The following ST6GALNAC5 variants were observed in gnomAD, a reference collection of about 807,000 sequenced individuals.
The protein encoded by ST6GALNAC5 is alpha-N-acetylgalactosaminide alpha-2,6-sialyltransferase 5.
In ST6GALNAC5, 27 loss-of-function variants were observed where a neutral mutation model predicts 33.6. The observed-to-expected ratio is 0.80, with a 90% CI of 0.59 to 1.11. The LOEUF (loss-of-function observed/expected upper bound fraction) is 1.11. Ranked by LOEUF, ST6GALNAC5 falls within the 50% of genes least tolerant of loss-of-function variation. The probability of loss-of-function intolerance (pLI) is 0.00; values close to 1 mark genes in which losing one functional copy is unlikely to be tolerated. For missense variants in ST6GALNAC5, 428 were observed against 454.0 expected, an observed-to-expected ratio of 0.94 and a Z score of 0.52; for synonymous variants, 194 against 171.2, an observed-to-expected ratio of 1.13 and a Z score of -1.04.
chr1:77,050,645 T>C (rs1222353177), intron 4 of ST6GALNAC5, among the ~76,000 whole-genome samples: 3 of 152,250 alleles, frequency 2.0e-5, no homozygotes, highest in African/African-American at 7.2e-5. Context: ...ATTGGCATAA[T>C]ATTAACGATG....
At chr1:77,014,604 C>T (rs540104733) in intron 2 of ST6GALNAC5, among the ~76,000 whole-genome samples, 13 of 152,308 alleles carry the variant, frequency 8.5e-5, no homozygotes, top group African/African-American at 1.4e-4. Context: ...AACCAATCAC[C>T]GGCCCAGGTC....
chr1:77,039,700 T>C lies in ST6GALNAC5; in HGVS notation c.262-4504T>C, dbSNP rs547755546. ...CTACTAATCTAGGAGTGAACTAAGA[T>C]AGATGCCTATGTTTCCTAAGAAGGA... On this transcript the variant is annotated intron_variant, in intron 2 of 4. Transcript: ENST00000477717. 2.0e-5 allele frequency among the ~76,000 whole-genome samples: 3 copies of C among 152,320 alleles called. No individual in the cohort carries two copies. The East Asian group carries it at 5.8e-4, about 29-fold the overall frequency.
chr1:77,014,346 G>A (rs1043387098), intron 2 of ST6GALNAC5, among the ~76,000 whole-genome samples: 13 of 152,238 alleles, frequency 8.5e-5, no homozygotes, highest in East Asian at 5.8e-4. Context: ...TTATGCTGGC[G>A]GATAGGCATG....
At chr1:76,896,525 T>C (rs1180987058) in intron 2 of ST6GALNAC5, among the ~76,000 whole-genome samples, 2 of 151,982 alleles carry the variant, frequency 1.3e-5, no homozygotes, top group African/African-American at 4.8e-5. Context: ...TTAGGCCTGG[T>C]GGAACTGCCA....
At chr1:76,884,095 G>T (rs1570637111) in intron 2 of ST6GALNAC5, among the ~76,000 whole-genome samples, 1 of 152,316 alleles carries the variant, frequency 6.6e-6, no homozygotes, top group East Asian at 1.9e-4. Context: ...GGACCAATTA[G>T]CAGACTGTTG....
chr1:77,061,079 T>G (rs1288449990), intron 4 of ST6GALNAC5, among the ~76,000 whole-genome samples: 1 of 152,190 alleles, frequency 6.6e-6, no homozygotes, highest in East Asian at 1.9e-4. Context: ...CTATTAAAAT[T>G]TTAATGGGAT....
intron 2 of ST6GALNAC5, among the ~76,000 whole-genome samples, chr1:76,900,577 C>T (rs554826366): frequency 3.3e-5 from 5 of 152,280 alleles, no homozygotes; most frequent in Admixed American, 6.5e-5. Context: ...TGGTTTCTCT[C>T]TAGGATTTTA....
chr1:76,917,116 T>C (rs574249643), intron 2 of ST6GALNAC5, among the ~76,000 whole-genome samples: 1 of 152,292 alleles, frequency 6.6e-6, no homozygotes, highest in South Asian at 2.1e-4. Context: ...TTTGATTTGG[T>C]AAAGGAAATT....
At chr1:76,888,795 T>C (rs1557710572) in intron 2 of ST6GALNAC5, among the ~76,000 whole-genome samples, 1 of 152,222 alleles carries the variant, frequency 6.6e-6, no homozygotes, top group East Asian at 1.9e-4. Context: ...AAATGGCAAA[T>C]AAAAATCGTA....
chr1:76,986,688 T>C (rs1570740407), intron 2 of ST6GALNAC5, among the ~76,000 whole-genome samples: 1 of 152,226 alleles, frequency 6.6e-6, no homozygotes, highest in African/African-American at 2.4e-5. Context: ...TTATAAATCA[T>C]GCTACTATAA....
At chr1:76,904,458 C>A (rs899132604) in intron 2 of ST6GALNAC5, among the ~76,000 whole-genome samples, 2 of 152,010 alleles carry the variant, frequency 1.3e-5, no homozygotes, top group African/African-American at 2.4e-5. Context: ...AATGGAATAC[C>A]ATATGGCAAC....
intron 2 of ST6GALNAC5, among the ~76,000 whole-genome samples, chr1:76,911,594 G>A (rs541686251): frequency 2.0e-5 from 3 of 152,182 alleles, no homozygotes; most frequent in South Asian, 2.1e-4. Flanking sequence ...TGGTTGGTAA[G>A]CTATTGATTA....
chr1:77,008,783 G>A (rs1316374742), intron 2 of ST6GALNAC5, among the ~76,000 whole-genome samples: 1 of 152,140 alleles, frequency 6.6e-6, no homozygotes, highest in African/African-American at 2.4e-5. Context: ...ACCCGCCTCA[G>A]CCTACCAAAG....
At chr1:76,940,975 T>C (rs1004870637) in intron 2 of ST6GALNAC5, among the ~76,000 whole-genome samples, 7 of 152,062 alleles carry the variant, frequency 4.6e-5, no homozygotes, top group Non-Finnish European at 1.0e-4. Flanking sequence ...ACTGAAAACT[T>C]TTTTTGACAC....
At chr1:76,998,831 C>T (rs766779428) in intron 2 of ST6GALNAC5, among the ~76,000 whole-genome samples, 4 of 152,104 alleles carry the variant, frequency 2.6e-5, no homozygotes, top group Non-Finnish European at 4.4e-5. Context: ...TAGTTTCTGC[C>T]GTTTGAATTA....
At chr1:77,035,301 C>G (rs953671968) in intron 2 of ST6GALNAC5, among the ~76,000 whole-genome samples, 4 of 152,140 alleles carry the variant, frequency 2.6e-5, no homozygotes, top group Non-Finnish European at 5.9e-5. Context: ...AATTTTCTAA[C>G]CTTAGCTAGC....
At chr1:76,984,075 G>T (rs996313401) in intron 2 of ST6GALNAC5, among the ~76,000 whole-genome samples, 1 of 152,186 alleles carries the variant, frequency 6.6e-6, no homozygotes, top group Non-Finnish European at 1.5e-5. Context: ...ATCTAAAATT[G>T]ACACCCTAAC....
At chr1:77,034,369 G>A (rs749916221) in intron 2 of ST6GALNAC5, among the ~76,000 whole-genome samples, 1 of 151,996 alleles carries the variant, frequency 6.6e-6, no homozygotes, top group Non-Finnish European at 1.5e-5. Context: ...ACTGGATTGA[G>A]AGCCTACCCT....
chr1:76,870,947 A>G (rs917829434), intron 2 of ST6GALNAC5, among the ~76,000 whole-genome samples: 4 of 152,148 alleles, frequency 2.6e-5, no homozygotes, highest in Non-Finnish European at 5.9e-5. Flanking sequence ...CTAAATGTAA[A>G]CTTCTCAGAA....
Sources: allele counts gnomAD v4.1 joint callset (sites outside exome capture counted in the v4.1 genomes callset), GRCh38; gene constraint gnomAD v4.1.1; transcripts MANE v1.5; gene names NCBI Gene and HGNC (gene_info 2026-07-23, HGNC 2026-07-21).